The following NUMB variants were observed in gnomAD, a reference collection of about 807,000 sequenced individuals.
NUMB encodes protein numb homolog.
In NUMB, 29 loss-of-function variants were observed where a neutral mutation model predicts 59.7. That is an observed-to-expected ratio of 0.49 (90% CI 0.36 to 0.66). The LOEUF (loss-of-function observed/expected upper bound fraction) is 0.66. Among genes scored for constraint, NUMB ranks in the 30% least tolerant of loss-of-function variants. The probability of loss-of-function intolerance (pLI) is 0.00; values close to 1 mark genes in which losing one functional copy is unlikely to be tolerated. For missense variants in NUMB, 723 were observed against 822.0 expected, an observed-to-expected ratio of 0.88 and a Z score of 1.47; for synonymous variants, 288 against 288.2, an observed-to-expected ratio of 1.00 and a Z score of 0.01.
chr14:73,359,657 T>C (rs1469955472), intron 3 of NUMB, among the ~76,000 whole-genome samples: 1 of 152,078 alleles, frequency 6.6e-6, no homozygotes, highest in Non-Finnish European at 1.5e-5. Flanking sequence ...AGAGAGAGAT[T>C]AGAATAAAAA....
intron 8 of NUMB, 103 bp downstream of exon 8, chr14:73,292,631 G>C (rs1478855440): frequency 8.7e-7 from 1 of 1,148,396 alleles, no homozygotes; most frequent in Non-Finnish European, 1.2e-6. Context: ...GCACTTCCAA[G>C]TACTTGTTAA....
chr14:73,277,333 G>A (rs1428195527), intron 12 of NUMB, 40 bp from the exon 13 acceptor site: 1 of 1,448,562 alleles, frequency 6.9e-7, no homozygotes, highest in Middle Eastern at 1.8e-4. Flanking sequence ...ATCAGTTAGG[G>A]GCATCTTTCC....
chr14:73,297,333 A>G, intron 6 of NUMB, 48 bp from the exon 7 acceptor site: 1 of 1,102,220 alleles, frequency 9.1e-7, no homozygotes, highest in Non-Finnish European at 1.4e-6. Context: ...CATATATAAT[A>G]TTAAAAAAAT....
chr14:73,349,568 C>G (rs1893094271), intron 4 of NUMB, among the ~76,000 whole-genome samples: 1 of 122,718 alleles, frequency 8.1e-6, no homozygotes, highest in Admixed American at 9.3e-5. Flanking sequence ...GAGTGAAACT[C>G]CATCTCAAGA....
rs1566756078 is a variant in NUMB at position 73,352,475 on chromosome 14, CACATATATATATATAT to C, written c.126+3135_126+3150del. ...ACACACACATACACACACACACACA[CACATATATATATATAT>C]ATATATATATATATATATATATATA... On this transcript the variant is annotated intron_variant, in intron 4 of 12. Transcript: ENST00000555238. Among the ~76,000 whole-genome samples the C allele has an allele frequency of 2.3e-3, 32 of 13,734 alleles. 1 individual carries two copies. The highest frequency in any genetic ancestry group is 3.4e-3 in the African/African-American group (14 of 4,124). The allele number at this position is 13,734 out of a possible 152,430, so 9.0% of individuals were successfully genotyped here.
At chr14:73,406,563 A>C (rs932474010) in intron 2 of NUMB, among the ~76,000 whole-genome samples, 1 of 152,070 alleles carries the variant, frequency 6.6e-6, no homozygotes, top group Non-Finnish European at 1.5e-5. Flanking sequence ...ATACATGTAC[A>C]TGTGTCTTTA....
intron 1 of NUMB, among the ~76,000 whole-genome samples, chr14:73,452,387 TG>T (rs1884051527): frequency 6.6e-6 from 1 of 150,894 alleles, no homozygotes; most frequent in Non-Finnish European, 1.5e-5. Flanking sequence ...AAAACAAAAC[TG>T]GGCAGCCTGT....
intron 2 of NUMB, among the ~76,000 whole-genome samples, chr14:73,402,890 T>C (rs1004214648): frequency 6.6e-5 from 10 of 152,248 alleles, no homozygotes; most frequent in Non-Finnish European, 8.8e-5. Context: ...TATGTAATAA[T>C]AAAGCACCTA....
At chr14:73,309,988 T>C (rs555106646) in intron 6 of NUMB, among the ~76,000 whole-genome samples, 2 of 152,124 alleles carry the variant, frequency 1.3e-5, no homozygotes, top group Non-Finnish European at 2.9e-5. Flanking sequence ...CATTTAGCAA[T>C]TGTAAAAACA....
At chr14:73,363,486 C>T (rs776993401) in intron 3 of NUMB, among the ~76,000 whole-genome samples, 7 of 151,992 alleles carry the variant, frequency 4.6e-5, no homozygotes, top group Non-Finnish European at 8.8e-5. Context: ...AGAAGTTCAA[C>T]AAAACTTTCT....
At chr14:73,396,251 C>T (rs1469285509) in intron 2 of NUMB, among the ~76,000 whole-genome samples, 1 of 151,820 alleles carries the variant, frequency 6.6e-6, no homozygotes, top group African/African-American at 2.4e-5. Flanking sequence ...CCTAGCCAGC[C>T]TGCCCCTCTA....
intron 4 of NUMB, among the ~76,000 whole-genome samples, chr14:73,331,547 CA>C (rs757098568): frequency 4.7e-5 from 7 of 149,080 alleles, no homozygotes; most frequent in East Asian, 1.9e-4. Context: ...GACTCCGTCT[CA>C]AAAAAAAAAA....
chr14:73,276,899 A>G lies in NUMB; in HGVS notation c.1635T>C (p.Pro545=). ...VANVFGTAGH[P]QAAHPHQSPS... Reference sequence around the variant, plus strand: ...GTGACTGATGGGGATGGGCAGCCTGAGGGTGGCCTGCAGTGCCAAATACGT... The same window carrying G: ...GTGACTGATGGGGATGGGCAGCCTGGGGGTGGCCTGCAGTGCCAAATACGT... Residue 545 remains proline (P), a synonymous_variant, in exon 13 of 13, where the codon CCT becomes CCC. Transcript: ENST00000555238. The G allele has an allele frequency of 6.2e-7, 1 of 1,613,998 alleles. No homozygotes were observed.
intron 2 of NUMB, among the ~76,000 whole-genome samples, chr14:73,383,099 T>C (rs559397114): frequency 1.3e-5 from 2 of 152,326 alleles, no homozygotes; most frequent in Admixed American, 6.5e-5. Flanking sequence ...TGAGCTGAGA[T>C]TGTGCCACTG....
At chr14:73,283,614 G>A (rs1223081823) in intron 10 of NUMB, among the ~76,000 whole-genome samples, 1 of 152,204 alleles carries the variant, frequency 6.6e-6, no homozygotes, top group African/African-American at 2.4e-5. Context: ...GTACACGAAA[G>A]ACCTGTCTAG....
At chr14:73,393,194 G>C (rs1045348839) in intron 2 of NUMB, among the ~76,000 whole-genome samples, 1 of 152,164 alleles carries the variant, frequency 6.6e-6, no homozygotes, top group East Asian at 1.9e-4. Context: ...ATAATAATCT[G>C]AGATGGTTTT....
chr14:73,317,467 A>G (rs1261898100), intron 5 of NUMB, among the ~76,000 whole-genome samples: 3 of 152,012 alleles, frequency 2.0e-5, no homozygotes, highest in Non-Finnish European at 2.9e-5. Flanking sequence ...ACATCCAGCT[A>G]ATTTTTGTAT....
At position 73,276,428 on chromosome 14, in the gene NUMB, TCA is replaced by T. The variant is rs1400854623; in HGVS notation, c.*148_*149del. The T allele has an allele frequency of 1.6e-6, 1 of 623,320 alleles. No homozygotes were observed. The highest frequency in any genetic ancestry group is 2.8e-6 in the Non-Finnish European group (1 of 362,356). 38.6% of individuals were successfully genotyped at this position (623,320 alleles called of 1,614,324 possible). ...TTCCCATGTCTTTCAAAATCACCCC[TCA>T]CAGTACTCTGGGCCTGGACTTGTTC... is the stretch of plus-strand genomic sequence containing the variant. On this transcript the variant is annotated 3_prime_UTR_variant, in exon 13 of 13. Coordinates refer to ENST00000555238, the MANE Select transcript of NUMB (RefSeq NM_001005743.2).
intron 1 of NUMB, among the ~76,000 whole-genome samples, chr14:73,434,621 T>G (rs1464591136): frequency 6.6e-6 from 1 of 152,132 alleles, no homozygotes; most frequent in Admixed American, 6.6e-5. Flanking sequence ...ATCCCAGCAC[T>G]CTGGGAGGAT....
Sources: gnomAD v4.1 joint callset for allele counts (sites outside exome capture counted in the v4.1 genomes callset) on GRCh38, gnomAD v4.1.1 for gene constraint, MANE v1.5 for transcripts, NCBI Gene and HGNC (gene_info 2026-07-23, HGNC 2026-07-21) for gene names.